The following PDE4D variants were observed in gnomAD, a reference collection of about 807,000 sequenced individuals.
PDE4D encodes the protein 3',5'-cyclic-AMP phosphodiesterase 4D.
A neutral mutation model predicts 87.4 loss-of-function variants in PDE4D; 24 were observed. The ratio of observed to expected loss-of-function variants is 0.27; its 90% CI spans 0.20 to 0.39. The LOEUF is 0.39. Ranked by LOEUF, PDE4D falls within the 10% of genes least tolerant of loss-of-function variation. The probability of loss-of-function intolerance (pLI) is 1.00; values close to 1 mark genes in which losing one functional copy is unlikely to be tolerated. For synonymous variants in PDE4D, 384 were observed against 383.2 expected (o/e 1.00, Z -0.02); for missense variants, 714 against 1,041.0 (o/e 0.69, Z 4.32).
chr5:59,408,650 C>G (rs113123912), intron 1 of PDE4D, among the ~76,000 whole-genome samples: 20 of 152,358 alleles, frequency 1.3e-4, no homozygotes, highest in Non-Finnish European at 2.2e-4. Context: ...TGAGAGCAGT[C>G]ATGGAGGCTT....
At chr5:59,736,951 T>A (rs185224763) in intron 1 of PDE4D, among the ~76,000 whole-genome samples, 20 of 152,312 alleles carry the variant, frequency 1.3e-4, no homozygotes, top group African/African-American at 4.8e-4. Context: ...ATTACTTTGG[T>A]AATCAGAAAA....
chr5:60,034,983 C>T (rs934317446), intron 2 of PDE4D, among the ~76,000 whole-genome samples: 3 of 152,102 alleles, frequency 2.0e-5, no homozygotes, highest in African/African-American at 4.8e-5. Context: ...CAGCAGGGTG[C>T]GGTGGCTCAC....
At chr5:59,649,946 T>C in intron 1 of PDE4D, among the ~76,000 whole-genome samples, 1 of 138,506 alleles carries the variant, frequency 7.2e-6, no homozygotes, top group Non-Finnish European at 1.5e-5. Flanking sequence ...AATGACCCAA[T>C]GTCACTGTAG....
intron 1 of PDE4D, among the ~76,000 whole-genome samples, chr5:59,272,376 A>T (rs1763987512): frequency 6.6e-6 from 1 of 152,130 alleles, no homozygotes; most frequent in Non-Finnish European, 1.5e-5. Context: ...AGGAATATGT[A>T]AGGTAATATT....
intron 1 of PDE4D, among the ~76,000 whole-genome samples, chr5:60,378,450 A>G (rs1409909989): frequency 1.3e-5 from 2 of 152,230 alleles, no homozygotes; most frequent in African/African-American, 4.8e-5. Context: ...TGCTGAAATT[A>G]ATACCTTAAT....
intron 1 of PDE4D, among the ~76,000 whole-genome samples, chr5:59,735,149 C>A (rs961196472): frequency 5.9e-5 from 9 of 152,050 alleles, no homozygotes; most frequent in Admixed American, 5.2e-4. Context: ...CACTTGAATG[C>A]CAATGGAATA....
chr5:59,278,350 A>G (rs1765210386), intron 1 of PDE4D, among the ~76,000 whole-genome samples: 1 of 152,040 alleles, frequency 6.6e-6, no homozygotes, highest in Non-Finnish European at 1.5e-5. Context: ...AGGCCTGAAT[A>G]TGGGGAGACT....
At chr5:59,988,123 C>T (rs1267671614) in intron 3 of PDE4D, 4 of 170,480 alleles carry the variant, frequency 2.3e-5, no homozygotes, top group African/African-American at 9.5e-5. Context: ...GTGAACATTT[C>T]CTATTGTTTC....
rs145711369 is a variant in PDE4D, at chr5:59,855,837, T to C, written c.455+37331A>G. On this transcript the variant is annotated intron_variant, in intron 1 of 14. Coordinates refer to ENST00000340635, the MANE Select transcript of PDE4D (RefSeq NM_001104631.2). ...TTATTATATCTACAGAAGACTTAAT[T>C]TGAACTCAATAAAAATGATCATTTT... 2.9e-3 allele frequency among the ~76,000 whole-genome samples: 440 copies of C among 152,290 alleles called. 7 individuals carry two copies. The South Asian group carries it at 0.041, about 14-fold the overall frequency.
At chr5:59,737,786 A>C (rs550109999) in intron 1 of PDE4D, among the ~76,000 whole-genome samples, 12 of 152,116 alleles carry the variant, frequency 7.9e-5, no homozygotes, top group African/African-American at 2.9e-4. Flanking sequence ...ATGAGTATAA[A>C]TGAATGTGTA....
chr5:59,109,356 A>G (rs760318146), intron 5 of PDE4D, among the ~76,000 whole-genome samples: 7 of 152,248 alleles, frequency 4.6e-5, no homozygotes, highest in Non-Finnish European at 8.8e-5. Flanking sequence ...GATTACATTC[A>G]TAATAAATGC....
At chr5:60,254,208 G>A (rs572329273) in intron 1 of PDE4D, among the ~76,000 whole-genome samples, 3 of 151,996 alleles carry the variant, frequency 2.0e-5, no homozygotes, top group South Asian at 2.1e-4. Context: ...CTTGTTGGCT[G>A]CAGAGTCCAG....
chr5:59,039,107 T>G, intron 5 of PDE4D, 136 bp from the exon 6 acceptor site: 1 of 1,418,250 alleles, frequency 7.1e-7, no homozygotes, highest in Non-Finnish European at 9.2e-7. Context: ...TGCTCCTTCA[T>G]ATTGCCCAGC....
intron 3 of PDE4D, among the ~76,000 whole-genome samples, chr5:59,924,362 A>G (rs922546100): frequency 2.0e-5 from 3 of 152,174 alleles, no homozygotes; most frequent in Non-Finnish European, 4.4e-5. Flanking sequence ...GAATTATATC[A>G]ATATTCAAGT....
chr5:60,161,011 T>G (rs1243773694), intron 2 of PDE4D, among the ~76,000 whole-genome samples: 1 of 152,210 alleles, frequency 6.6e-6, no homozygotes, highest in South Asian at 2.1e-4. Flanking sequence ...CAAAAGATTT[T>G]CTTAATGAAT....
chr5:59,305,048 T>G (rs1450733994), intron 1 of PDE4D, among the ~76,000 whole-genome samples: 2 of 152,098 alleles, frequency 1.3e-5, no homozygotes, highest in Non-Finnish European at 2.9e-5. Context: ...TGATAATTTT[T>G]TAAGTACCAT....
intron 1 of PDE4D, among the ~76,000 whole-genome samples, chr5:59,691,218 TG>T (rs1178768690): frequency 6.6e-6 from 1 of 152,232 alleles, no homozygotes; most frequent in African/African-American, 2.4e-5. Context: ...ATCCCATTAC[TG>T]GGTATATACC....
intron 1 of PDE4D, among the ~76,000 whole-genome samples, chr5:60,245,748 A>T (rs112409587): frequency 0.014 from 2,067 of 152,014 alleles, 24 homozygotes; most frequent in Middle Eastern, 0.034. Context: ...TCATGGAGAT[A>T]GATGGTAAAG....
At chr5:60,446,274 C>T (rs1038590711) in intron 1 of PDE4D, among the ~76,000 whole-genome samples, 5 of 152,104 alleles carry the variant, frequency 3.3e-5, no homozygotes, top group African/African-American at 1.2e-4. Context: ...TACTCCTTAA[C>T]ATACAAGCTC....
Sources: gnomAD v4.1 joint callset for allele counts (sites outside exome capture counted in the v4.1 genomes callset) on GRCh38, gnomAD v4.1.1 for gene constraint, MANE v1.5 for transcripts, NCBI Gene and HGNC (gene_info 2026-07-23, HGNC 2026-07-21) for gene names.